The following COPS2 variants were observed in gnomAD, a reference collection of about 807,000 sequenced individuals.
The protein encoded by COPS2 is COP9 signalosome complex subunit 2.
In COPS2, 10 loss-of-function variants were observed where a neutral mutation model predicts 66.1. The observed-to-expected ratio is 0.15, with a 90% CI of 0.09 to 0.26. The LOEUF is 0.26. Among genes scored for constraint, COPS2 ranks in the 10% least tolerant of loss-of-function variants. The pLI, the probability that COPS2 is intolerant of heterozygous loss-of-function variation, is 1.00. For missense variants in COPS2, 215 were observed against 513.3 expected (o/e 0.42, Z 5.62); for synonymous variants, 179 against 171.3 (o/e 1.04, Z -0.35).
chr15:49,147,060 CT>C (rs1440343038), intron 1 of COPS2, among the ~76,000 whole-genome samples: 4 of 152,048 alleles, frequency 2.6e-5, no homozygotes, highest in Non-Finnish European at 5.9e-5. Flanking sequence ...TAAGGGTATT[CT>C]TTAGGGAAGA....
At chr15:49,150,329 A>G (rs2084351070) in intron 1 of COPS2, among the ~76,000 whole-genome samples, 1 of 152,000 alleles carries the variant, frequency 6.6e-6, no homozygotes, top group African/African-American at 2.4e-5. Context: ...ACATTTTTCT[A>G]TATTTTTCCC....
intron 3 of COPS2, 94 bp downstream of exon 3, chr15:49,144,133 G>A (rs2084306665): frequency 1.2e-6 from 1 of 805,764 alleles, no homozygotes; most frequent in Non-Finnish European, 2.1e-6. Context: ...ATCCAAAGAA[G>A]TACTTTAGAA....
intron 1 of COPS2, among the ~76,000 whole-genome samples, chr15:49,148,003 C>A (rs1183291769): frequency 4.6e-5 from 7 of 152,166 alleles, no homozygotes; most frequent in African/African-American, 1.4e-4. Flanking sequence ...CTTGAACCAG[C>A]CATCATGACA....
intron 2 of COPS2, among the ~76,000 whole-genome samples, 173 bp downstream of exon 2, chr15:49,144,792 A>G (rs1018140168): frequency 2.6e-5 from 4 of 152,198 alleles, no homozygotes; most frequent in African/African-American, 9.6e-5. Flanking sequence ...GCTTGATTGG[A>G]AAAAACATCA....
intron 10 of COPS2, among the ~76,000 whole-genome samples, chr15:49,130,151 T>G (rs532572580): frequency 5.3e-5 from 8 of 152,260 alleles, no homozygotes; most frequent in African/African-American, 1.9e-4. Context: ...TGAAATTTAG[T>G]TCCAAATGGT....
At chr15:49,134,648 C>T (rs1367340341) in intron 6 of COPS2, 134 bp from the exon 7 acceptor site, 4 of 701,572 alleles carry the variant, frequency 5.7e-6, no homozygotes, top group African/African-American at 5.4e-5. Context: ...TTGGGAGCTA[C>T]AGTACTAAGA....
At position 49,127,856 on chromosome 15, in the gene COPS2, C is replaced by A; in HGVS notation, c.*94G>T. ...CATAACTCCAATAATTTTCAGGACA[C>A]ATCAACCGACAGTAGTTTTGCCATT... is the stretch of plus-strand genomic sequence containing the variant. On this transcript the variant is annotated 3_prime_UTR_variant, in exon 13 of 13. Coordinates refer to ENST00000388901, the MANE Select transcript of COPS2 (RefSeq NM_004236.4). 7.7e-7 allele frequency: 1 copy of A among 1,290,490 alleles called. No individual in the cohort carries two copies. Among genetic ancestry groups the A allele is most frequent in the Admixed American group, 2.2e-5 (1 of 46,056 alleles). The allele number at this position is 1,290,490 out of a possible 1,614,324, so 79.9% of individuals were successfully genotyped here.
chr15:49,130,184 T>A (rs1451636109), intron 10 of COPS2, among the ~76,000 whole-genome samples: 1 of 152,044 alleles, frequency 6.6e-6, no homozygotes, highest in African/African-American at 2.4e-5. Context: ...TTCAAATAGC[T>A]CCATAATAGG....
At chr15:49,129,682 G>T in intron 10 of COPS2, 123 bp from the exon 11 acceptor site, 1 of 433,006 alleles carries the variant, frequency 2.3e-6, no homozygotes, top group East Asian at 3.9e-5. Flanking sequence ...GATATAAAGT[G>T]TTTAGATTTT....
intron 3 of COPS2, 62 bp downstream of exon 3, chr15:49,144,165 G>C: frequency 9.9e-7 from 1 of 1,011,486 alleles, no homozygotes; most frequent in Non-Finnish European, 1.6e-6. Context: ...ATAGTACTTT[G>C]TCGTGATGAG....
intron 4 of COPS2, chr15:49,137,957 G>A (rs1330263591): frequency 2.0e-5 from 3 of 152,214 alleles, no homozygotes; most frequent in Non-Finnish European, 4.4e-5. Context: ...ACTCTTATTT[G>A]GAGCCTACAA....
In COPS2 at chr15:49,123,178, T is replaced by C. The variant is rs2084137980; in HGVS notation, c.*4772A>G. 1 of 152,320 alleles carries C rather than the reference T, an allele frequency of 6.6e-6. No individual in the cohort carries two copies. The highest frequency in any genetic ancestry group is 1.5e-5 in the Non-Finnish European group (1 of 68,018). The allele number at this position is 152,320 out of a possible 1,614,324, so 9.4% of individuals were successfully genotyped here. On this transcript the variant is annotated 3_prime_UTR_variant, in exon 13 of 13. Transcript: ENST00000388901. ...TGAACAGAAATTAGATACTCAACAC[T>C]TGGCATTAATATGTTGCTAATAAGC...
chr15:49,148,652 A>G (rs2084338154), intron 1 of COPS2, among the ~76,000 whole-genome samples: 1 of 152,244 alleles, frequency 6.6e-6, no homozygotes, highest in Non-Finnish European at 1.5e-5. Flanking sequence ...GGAAATAGTC[A>G]GATTTGTGTT....
chr15:49,141,228 T>G (rs547733936), intron 3 of COPS2, among the ~76,000 whole-genome samples: 12 of 152,316 alleles, frequency 7.9e-5, no homozygotes, highest in African/African-American at 2.9e-4. Flanking sequence ...TTGGCTGGGC[T>G]TGGTGGCTCA....
chr15:49,129,743 A>T (rs1392636948), intron 10 of COPS2, among the ~76,000 whole-genome samples, 184 bp from the exon 11 acceptor site: 1 of 152,148 alleles, frequency 6.6e-6, no homozygotes, highest in Non-Finnish European at 1.5e-5. Context: ...TGCCTATCCC[A>T]TAATTTCTTG....
At chr15:49,144,673 C>T (rs948320721) in intron 2 of COPS2, among the ~76,000 whole-genome samples, 2 of 152,042 alleles carry the variant, frequency 1.3e-5, no homozygotes, top group Non-Finnish European at 2.9e-5. Flanking sequence ...TATGATTTAC[C>T]CCTAAAAGAA....
chr15:49,135,830 T>G (rs1388842789), intron 6 of COPS2, among the ~76,000 whole-genome samples: 1 of 152,224 alleles, frequency 6.6e-6, no homozygotes, highest in African/African-American at 2.4e-5. Flanking sequence ...TCCATCAAAG[T>G]ACTAAGTAAT....
intron 3 of COPS2, among the ~76,000 whole-genome samples, chr15:49,140,904 C>T (rs570982583): frequency 6.8e-6 from 1 of 148,050 alleles, no homozygotes; most frequent in African/African-American, 2.5e-5. Context: ...AGGCACAGCA[C>T]AAAGAACAAG....
intron 5 of COPS2, 57 bp downstream of exon 5, chr15:49,137,289 CTT>C: frequency 6.5e-7 from 1 of 1,539,024 alleles, no homozygotes; most frequent in Non-Finnish European, 8.9e-7. Flanking sequence ...CTTTAGGAGA[CTT>C]TATTAAAAAC....
Sources: allele counts gnomAD v4.1 joint callset (sites outside exome capture counted in the v4.1 genomes callset), GRCh38; gene constraint gnomAD v4.1.1; transcripts MANE v1.5; gene names NCBI Gene and HGNC (gene_info 2026-07-23, HGNC 2026-07-21).